Variants in SHISA9 observed in about 807,000 individuals in gnomAD.
SHISA9 encodes the protein shisa family member 9.
Under a neutral mutation model 38.0 loss-of-function variants are expected in SHISA9, and 13 were observed. The observed-to-expected ratio is 0.34, with a 90% CI of 0.22 to 0.54. SHISA9 has a LOEUF of 0.54. Ranked by LOEUF, SHISA9 falls within the 20% of genes least tolerant of loss-of-function variation. SHISA9 has a pLI of 0.91. For missense variants in SHISA9, 538 were observed against 575.8 expected, an observed-to-expected ratio of 0.93 and a Z score of 0.67; for synonymous variants, 275 against 242.0, an observed-to-expected ratio of 1.14 and a Z score of -1.27.
At chr16:13,265,365 T>G in the SHISA9 span, among the ~76,000 whole-genome samples, 9 of 78,586 alleles carry the variant, frequency 1.1e-4, no homozygotes, top group African/African-American at 4.7e-4. Context: ...TCCACTTCCA[T>G]CCCCTTCCCT....
the SHISA9 span, among the ~76,000 whole-genome samples, chr16:13,544,414 G>GTT: frequency 2.3e-5 from 3 of 130,380 alleles, no homozygotes; most frequent in Admixed American, 8.3e-5. Flanking sequence ...GTTTTTTCGG[G>GTT]TTTTTTTTTT....
intron 2 of SHISA9, among the ~76,000 whole-genome samples, chr16:13,002,257 A>G (rs964191038): frequency 5.9e-5 from 9 of 152,198 alleles, no homozygotes. Flanking sequence ...ACTGGCAGAG[A>G]CAGGCTTGTA....
At chr16:13,465,460 G>A in the SHISA9 span, among the ~76,000 whole-genome samples, 1 of 152,316 alleles carries the variant, frequency 6.6e-6, no homozygotes, top group South Asian at 2.1e-4. Flanking sequence ...GATTTGAAAA[G>A]ATATCACCTT....
chr16:13,296,868 G>C, the SHISA9 span, among the ~76,000 whole-genome samples: 1 of 119,736 alleles, frequency 8.4e-6, no homozygotes, highest in East Asian at 2.5e-4. Flanking sequence ...TTCAGCCTAG[G>C]TGACAAGAGG....
the SHISA9 span, among the ~76,000 whole-genome samples, chr16:13,393,872 GT>G: frequency 6.6e-6 from 1 of 152,186 alleles, no homozygotes; most frequent in Non-Finnish European, 1.5e-5. Flanking sequence ...CCTGGCATAG[GT>G]TTCTATTATT....
chr16:13,487,547 C>G, the SHISA9 span, among the ~76,000 whole-genome samples: 3 of 152,208 alleles, frequency 2.0e-5, no homozygotes, highest in Non-Finnish European at 4.4e-5. Flanking sequence ...CGGCCCAAGC[C>G]TTTCATGACG....
chr16:13,265,691 A>G, the SHISA9 span, among the ~76,000 whole-genome samples: 4 of 151,642 alleles, frequency 2.6e-5, no homozygotes, highest in Non-Finnish European at 5.9e-5. Context: ...GCATACAATC[A>G]TCAAACCATG....
chr16:13,397,290 C>G, the SHISA9 span, among the ~76,000 whole-genome samples: 1 of 152,186 alleles, frequency 6.6e-6, no homozygotes, highest in Non-Finnish European at 1.5e-5. Context: ...TTCTTTGGTG[C>G]CCTGCTGCTG....
At chr16:13,434,029 T>A in the SHISA9 span, among the ~76,000 whole-genome samples, 1 of 152,150 alleles carries the variant, frequency 6.6e-6, no homozygotes, top group African/African-American at 2.4e-5. Flanking sequence ...AGATACCCAG[T>A]ACGAGTCCCA....
the SHISA9 span, among the ~76,000 whole-genome samples, chr16:13,376,300 G>C: frequency 1.3e-5 from 2 of 152,192 alleles, no homozygotes; most frequent in Non-Finnish European, 2.9e-5. Flanking sequence ...TGATATTTTA[G>C]ATAGAGTCAT....
At chr16:13,004,943 G>GAAAAAAAAAA (rs59694628) in intron 2 of SHISA9, among the ~76,000 whole-genome samples, 27 of 103,720 alleles carry the variant, frequency 2.6e-4, no homozygotes, top group Non-Finnish European at 3.7e-4. Flanking sequence ...TTAAGAAAAA[G>GAAAAAAAAAA]AAAAAAAAAA....
At chr16:12,978,422 A>G (rs1298525710) in intron 2 of SHISA9, among the ~76,000 whole-genome samples, 1 of 152,238 alleles carries the variant, frequency 6.6e-6, no homozygotes, top group African/African-American at 2.4e-5. Flanking sequence ...TCTGAATATT[A>G]TTTGAAGCAT....
chr16:12,910,845 G>A (rs1188378347), intron 1 of SHISA9: 3 of 561,316 alleles, frequency 5.3e-6, no homozygotes, highest in Non-Finnish European at 6.8e-6. Flanking sequence ...AAGGCCGACA[G>A]GCAGGAGAAT....
At chr16:13,256,437 A>G in the SHISA9 span, among the ~76,000 whole-genome samples, 1 of 152,186 alleles carries the variant, frequency 6.6e-6, no homozygotes, top group African/African-American at 2.4e-5. Context: ...ACGGGCCACC[A>G]TGCCCCACTA....
At chr16:12,952,077 T>C (rs868170126) in intron 2 of SHISA9, among the ~76,000 whole-genome samples, 8 of 152,104 alleles carry the variant, frequency 5.3e-5, no homozygotes, top group African/African-American at 1.7e-4. Context: ...AATAACACAT[T>C]CCCCCAGCTT....
intron 2 of SHISA9, among the ~76,000 whole-genome samples, chr16:12,974,788 G>A (rs1031321689): frequency 6.6e-6 from 1 of 152,074 alleles, no homozygotes; most frequent in African/African-American, 2.4e-5. Context: ...TAATTTATCA[G>A]AATCTTCAGT....
chr16:12,938,720 C>A (rs1035399482), intron 2 of SHISA9, among the ~76,000 whole-genome samples: 1 of 152,010 alleles, frequency 6.6e-6, no homozygotes, highest in Non-Finnish European at 1.5e-5. Flanking sequence ...CCAGGATGCT[C>A]TTGAACTCCT....
chr16:13,151,707 C>A (rs2050501115), intron 2 of SHISA9, among the ~76,000 whole-genome samples: 2 of 152,236 alleles, frequency 1.3e-5, no homozygotes, highest in Non-Finnish European at 2.9e-5. Flanking sequence ...AAATACACTT[C>A]TCTCATTCAG....
At chr16:13,553,727 G>T in the SHISA9 span, among the ~76,000 whole-genome samples, 2 of 152,166 alleles carry the variant, frequency 1.3e-5, no homozygotes, top group East Asian at 1.9e-4. Flanking sequence ...ATTTCTTGTG[G>T]CTTCATTGTT....
Sources: gnomAD v4.1 joint callset for allele counts (sites outside exome capture counted in the v4.1 genomes callset) on GRCh38, gnomAD v4.1.1 for gene constraint, MANE v1.5 for transcripts, NCBI Gene and HGNC (gene_info 2026-07-23, HGNC 2026-07-21) for gene names.